The following STPG2 variants were observed in gnomAD, a reference collection of about 807,000 sequenced individuals.
STPG2 encodes sperm-tail PG-rich repeat-containing protein 2.
Under a neutral mutation model 54.2 loss-of-function variants are expected in STPG2, and 56 were observed. That is an observed-to-expected ratio of 1.03 (90% CI 0.83 to 1.29). The LOEUF (loss-of-function observed/expected upper bound fraction) is 1.29. STPG2 is among the 50% of genes most tolerant of loss of function. The probability of loss-of-function intolerance (pLI) is 0.00; values close to 1 mark genes in which losing one functional copy is unlikely to be tolerated. For missense variants in STPG2, 596 were observed against 544.9 expected, an observed-to-expected ratio of 1.09 and a Z score of -0.93; for synonymous variants, 200 against 181.8, an observed-to-expected ratio of 1.10 and a Z score of -0.81.
chr4:97,903,639 C>T (rs558702442), intron 8 of STPG2, among the ~76,000 whole-genome samples: 10 of 152,298 alleles, frequency 6.6e-5, no homozygotes, highest in South Asian at 4.1e-4. Context: ...CAGCTCCCAG[C>T]GTGAGCAACG....
intron 5 of STPG2, among the ~76,000 whole-genome samples, chr4:98,079,890 A>G (rs1738288513): frequency 6.6e-6 from 1 of 152,158 alleles, no homozygotes; most frequent in Non-Finnish European, 1.5e-5. Flanking sequence ...CAAAAAGAAT[A>G]TTCACTTAGA....
At chr4:97,504,409 A>G (rs1037845456) in intron 4 of STPG2, among the ~76,000 whole-genome samples, 6 of 151,588 alleles carry the variant, frequency 4.0e-5, no homozygotes, top group African/African-American at 1.4e-4. Context: ...GCAATTAAAT[A>G]AACTTTATAG....
At chr4:97,719,491 A>G (rs2149014229) in intron 9 of STPG2, among the ~76,000 whole-genome samples, 1 of 152,006 alleles carries the variant, frequency 6.6e-6, no homozygotes, top group African/African-American at 2.4e-5. Context: ...TTTCAATAAA[A>G]CCCATTGGTT....
At chr4:97,599,650 C>T (rs911017135) in intron 10 of STPG2, among the ~76,000 whole-genome samples, 4 of 151,762 alleles carry the variant, frequency 2.6e-5, no homozygotes, top group East Asian at 1.9e-4. Context: ...GGTGAAACCC[C>T]GTCTCTACTA....
At chr4:97,492,678 T>G (rs1376208212) in intron 4 of STPG2, among the ~76,000 whole-genome samples, 1 of 151,070 alleles carries the variant, frequency 6.6e-6, no homozygotes, top group Non-Finnish European at 1.5e-5. Context: ...AGGAGAAATT[T>G]GGGGGTTGGC....
chr4:97,924,125 C>T (rs1166637441), intron 8 of STPG2, among the ~76,000 whole-genome samples: 1 of 152,150 alleles, frequency 6.6e-6, no homozygotes, highest in Non-Finnish European at 1.5e-5. Flanking sequence ...TGCAGCTTCA[C>T]TCCTGAGGTC....
intron 10 of STPG2, among the ~76,000 whole-genome samples, chr4:97,596,918 G>T (rs1172183408): frequency 6.6e-6 from 1 of 151,342 alleles, no homozygotes; most frequent in Non-Finnish European, 1.5e-5. Context: ...ACCAAAATCA[G>T]AGCTGAACTG....
At chr4:97,561,875 G>T (rs1344299748) in intron 10 of STPG2, among the ~76,000 whole-genome samples, 1 of 152,172 alleles carries the variant, frequency 6.6e-6, no homozygotes, top group Non-Finnish European at 1.5e-5. Context: ...CAGGTAGCGT[G>T]ATGCCTCCAG....
At chr4:97,562,280 C>T (rs7654847) in intron 10 of STPG2, among the ~76,000 whole-genome samples, 2,258 of 152,188 alleles carry the variant, frequency 0.015, 51 homozygotes, top group African/African-American at 0.052. Context: ...GTGATTTTTG[C>T]ACATTGATTT....
intron 8 of STPG2, among the ~76,000 whole-genome samples, chr4:97,901,437 C>G (rs1437185156): frequency 6.6e-6 from 1 of 151,862 alleles, no homozygotes; most frequent in African/African-American, 2.4e-5. Context: ...ATAGAAAGCT[C>G]TAAAGACTAC....
At chr4:97,673,148 T>C (rs1722747442) in intron 10 of STPG2, among the ~76,000 whole-genome samples, 1 of 152,196 alleles carries the variant, frequency 6.6e-6, no homozygotes, top group African/African-American at 2.4e-5. Context: ...AAGCCACATA[T>C]ATGCTAAGAA....
intron 10 of STPG2, among the ~76,000 whole-genome samples, chr4:97,674,945 G>T (rs952375426): frequency 6.6e-6 from 1 of 152,122 alleles, no homozygotes; most frequent in Non-Finnish European, 1.5e-5. Flanking sequence ...CTAAGGTAAA[G>T]CCATGCAATC....
At position 97,691,828 on chromosome 4, in the gene STPG2, T is replaced by TA. The variant is rs1309629934; in HGVS notation, c.1320+20870dup. ...TACCTCCACCGGGAGTAGGTGTTGC[T>TA]ATCCATGGCTGACAGACGTGAAGAC... On this transcript the variant is annotated intron_variant, in intron 10 of 10. Coordinates refer to ENST00000295268, the MANE Select transcript of STPG2 (RefSeq NM_174952.3). 2.6e-5 allele frequency among the ~76,000 whole-genome samples: 4 copies of TA among 152,282 alleles called. No individual in the cohort carries two copies. The East Asian group carries it at 7.7e-4, about 29-fold the overall frequency.
At chr4:97,867,676 G>A (rs1375176824) in intron 8 of STPG2, among the ~76,000 whole-genome samples, 2 of 151,972 alleles carry the variant, frequency 1.3e-5, no homozygotes, top group Non-Finnish European at 2.9e-5. Context: ...CGGAAAGTTG[G>A]CAGTCCAGGA....
intron 8 of STPG2, among the ~76,000 whole-genome samples, chr4:97,898,461 T>A (rs1318773630): frequency 1.3e-5 from 2 of 151,828 alleles, no homozygotes; most frequent in Non-Finnish European, 3.0e-5. Context: ...TTTTTTCCAG[T>A]AATTGAATAT....
chr4:98,025,482 G>T (rs560052283), intron 5 of STPG2: 1 of 544,194 alleles, frequency 1.8e-6, no homozygotes, highest in Non-Finnish European at 3.5e-6. Flanking sequence ...TACCATGCTT[G>T]GAAACACTTA....
chr4:97,820,875 T>C lies in STPG2; in HGVS notation c.1204+19898A>G, dbSNP rs1728065914. 2.6e-5 allele frequency among the ~76,000 whole-genome samples: 4 copies of C among 152,244 alleles called. No individual in the cohort carries two copies. The South Asian group carries it at 8.3e-4, about 32-fold the overall frequency. On this transcript the variant is annotated intron_variant, in intron 9 of 10. Transcript: ENST00000295268. ...GCCCCAAGCCAGAATGGATCCTCCTTCATGACTCAAACACTTCCCACCAGG... is the reference window on the plus strand; with the variant it reads ...GCCCCAAGCCAGAATGGATCCTCCTCCATGACTCAAACACTTCCCACCAGG...
chr4:97,509,692 A>C (rs539731472), intron 4 of STPG2, among the ~76,000 whole-genome samples: 12 of 152,112 alleles, frequency 7.9e-5, no homozygotes, highest in Non-Finnish European at 1.3e-4. Flanking sequence ...GGAAAACAAA[A>C]AATACTGACA....
At chr4:97,591,923 T>C (rs753141049) in intron 10 of STPG2, among the ~76,000 whole-genome samples, 30 of 152,210 alleles carry the variant, frequency 2.0e-4, no homozygotes, top group Non-Finnish European at 3.8e-4. Flanking sequence ...TCCCTGTACA[T>C]AGTATATCTT....
Sources: allele counts gnomAD v4.1 joint callset (sites outside exome capture counted in the v4.1 genomes callset), GRCh38; gene constraint gnomAD v4.1.1; transcripts MANE v1.5; gene names NCBI Gene and HGNC (gene_info 2026-07-23, HGNC 2026-07-21).